KIF7: variants seen among roughly 807,000 people sequenced by gnomAD.
The protein encoded by KIF7 is kinesin family member 7, also known as kinesin-like protein KIF7.
KIF7 carries 104 observed loss-of-function variants against 135.7 expected under a neutral mutation model. The observed-to-expected ratio is 0.77, with a 90% CI of 0.65 to 0.90. The LOEUF (loss-of-function observed/expected upper bound fraction) is 0.90, where lower values mean the gene tolerates loss of function less well. Among genes scored for constraint, KIF7 ranks in the 40% least tolerant of loss-of-function variants. The pLI, the probability that KIF7 is intolerant of heterozygous loss-of-function variation, is 0.00. For missense variants in KIF7, 2,005 were observed against 1,839.1 expected, an observed-to-expected ratio of 1.09 and a Z score of -1.65; for synonymous variants, 883 against 809.4, an observed-to-expected ratio of 1.09 and a Z score of -1.54.
At chr15:89,619,588 G>C (rs1173034931) in intron 1 of KIF7, 2 of 1,052,130 alleles carry the variant, frequency 1.9e-6, no homozygotes, top group Non-Finnish European at 2.8e-6. Context: ...AAAGCTAATA[G>C]CTTGCTGAAT....
In KIF7 at chr15:89,649,838, G is replaced by C. The variant is rs961901836; in HGVS notation, c.432C>G (p.Ser144=). The change falls in exon 3 of 19, where the codon TCC becomes TCG. Residue 144 remains serine (S), a synonymous_variant. Transcript: ENST00000394412. ...ACTCCTCCTTGTACACTTCCAGGTAGGACACATGTACCAGACAGTCAAGCA... is the reference window on the plus strand; with the variant it reads ...ACTCCTCCTTGTACACTTCCAGGTACGACACATGTACCAGACAGTCAAGCA... ...NDLLDCLVHV[S]YLEVYKEEFR... The C allele has an allele frequency of 1.3e-6, 2 of 1,551,674 alleles. No individual in the cohort carries two copies. The highest frequency in any genetic ancestry group is 1.7e-6 in the Non-Finnish European group (2 of 1,147,010).
At chr15:89,646,391 A>G (rs1267984215) in intron 7 of KIF7, among the ~76,000 whole-genome samples, 3 of 152,154 alleles carry the variant, frequency 2.0e-5, no homozygotes, top group Non-Finnish European at 4.4e-5. Context: ...CCCAGGCCTA[A>G]AAGCCCCAGA....
rs72750748 is a variant in KIF7, at chr15:89,629,603, T to G, written c.3319-30A>C. ...CCCAAGACCCAGCCAGGCTCAGCCCTCATCATGACCCCTCTTCATCCAGCT... is the reference window on the plus strand; with the variant it reads ...CCCAAGACCCAGCCAGGCTCAGCCCGCATCATGACCCCTCTTCATCCAGCT... On this transcript the variant is annotated intron_variant, in intron 16 of 18. Coordinates refer to ENST00000394412, the MANE Select transcript of KIF7 (RefSeq NM_198525.3). The G allele has an allele frequency of 0.32, 508,133 of 1,600,320 alleles. 83,692 individuals are homozygous for G. The highest frequency in any genetic ancestry group is 0.38 in the Middle Eastern group (2,273 of 6,060).
At chr15:89,624,859 TCTC>T (rs535779553), downstream of KIF7, 236 of 1,613,962 alleles carry the variant, frequency 1.5e-4, no homozygotes, top group African/African-American at 2.7e-3. Flanking sequence ...TGGGCCTGGC[TCTC>T]CTCTGATGCC....
rs748294001 is a variant in KIF7 at position 89,629,420 on chromosome 15, T to C, written c.3472A>G (p.Lys1158Glu). 13 of 1,607,302 alleles carry C rather than the reference T, an allele frequency of 8.1e-6. No individual in the cohort carries two copies. The highest frequency in any genetic ancestry group is 1.3e-5 in the African/African-American group (1 of 74,878). ...AGCTGCATGTTCTGCTCGTGCTCCT[T>C]CTGCTGCAGGGTCAGCTGGCGGTCC... ...EMDRQLTLQQ[K>E]EHEQNMQLLL... The change falls in exon 17 of 19, where the codon AAG (lysine) becomes GAG (glutamate). Residue 1158 changes from lysine (K) to glutamate (E), a missense_variant. Physicochemically the swap from Lys to Glu is moderately conservative, Grantham distance 56. Coordinates refer to ENST00000394412, the MANE Select transcript of KIF7 (RefSeq NM_198525.3).
intron 11 of KIF7, among the ~76,000 whole-genome samples, chr15:89,636,239 G>C (rs1193930550): frequency 6.6e-6 from 1 of 151,670 alleles, no homozygotes; most frequent in Non-Finnish European, 1.5e-5. Flanking sequence ...AAAATGTAAA[G>C]ACCATCGAGA....
chr15:89,653,666 T>C (rs1476043766), intron 1 of KIF7, among the ~76,000 whole-genome samples: 1 of 152,192 alleles, frequency 6.6e-6, no homozygotes, highest in Non-Finnish European at 1.5e-5. Context: ...TAGCCAAGGC[T>C]TCCCAGGTTC....
At chr15:89,622,917 C>A (rs973212914) in intron 1 of KIF7, among the ~76,000 whole-genome samples, 2 of 152,242 alleles carry the variant, frequency 1.3e-5, no homozygotes, top group African/African-American at 4.8e-5. Flanking sequence ...ATGCCCCTCG[C>A]ATGTCCCTGT....
Position 89,647,723 on chromosome 15 carries a change from G to A in KIF7, c.1444-11C>T. The A allele has an allele frequency of 6.4e-7, 1 of 1,551,036 alleles. No individual in the cohort carries two copies. Among genetic ancestry groups the A allele is most frequent in the Non-Finnish European group, 8.7e-7 (1 of 1,149,216 alleles). On this transcript the variant is annotated splice_polypyrimidine_tract_variant and intron_variant, in intron 5 of 18. Coordinates refer to ENST00000394412, the MANE Select transcript of KIF7 (RefSeq NM_198525.3). ...CGCCCCCTCATCCTCCTATAGGGCA[G>A]GGAGAGGGGCTTCAGGGGCGGGGGT...
upstream of KIF7, among the ~76,000 whole-genome samples, chr15:89,657,166 C>T (rs934314188): frequency 1.3e-4 from 19 of 151,952 alleles, no homozygotes; most frequent in African/African-American, 3.4e-4. Flanking sequence ...CATAGGCAGG[C>T]GTAGTGGCAT....
Position 89,631,531 on chromosome 15 carries a change from G to A in KIF7, c.3075C>T (p.Asp1025=), listed in dbSNP as rs141683648. 106 of 1,583,150 alleles carry A rather than the reference G, an allele frequency of 6.7e-5. No individual in the cohort carries two copies. The highest frequency in any genetic ancestry group is 5.8e-4 in the Middle Eastern group (3 of 5,208). The change falls in exon 15 of 19, where the codon GAC becomes GAT. Residue 1025 remains aspartate (D), a synonymous_variant. Transcript: ENST00000394412. The stretch of plus-strand genomic sequence containing the variant: ...GCAGACTCCCCTGCCTCAGCTTGCC[G>A]TCGATCTCCAGGCGCTGCTTGAGCA... The part of the protein sequence containing the change: ...DSLLKQRLEI[D]GKLRQGSLLS...
Position 89,630,184 on chromosome 15 carries a change from C to A in KIF7, c.3318+103G>T, listed in dbSNP as rs574319954. 17 of 1,087,248 alleles carry A rather than the reference C, an allele frequency of 1.6e-5. No individual in the cohort carries two copies. In the African/African-American group the frequency reaches 2.3e-4, roughly 15 times the overall value. The allele number at this position is 1,087,248 out of a possible 1,614,324, so 67.4% of individuals were successfully genotyped here. ...ATGAGTTGGTCCTGATTCTGTCCCCCAGTCTGGGAGGAAACGGGATATCCG... is the reference window on the plus strand; with the variant it reads ...ATGAGTTGGTCCTGATTCTGTCCCCAAGTCTGGGAGGAAACGGGATATCCG... On this transcript the variant is annotated intron_variant, in intron 16 of 18. Coordinates refer to ENST00000394412, the MANE Select transcript of KIF7 (RefSeq NM_198525.3).
chr15:89,637,897 T>C (rs1963843058), intron 11 of KIF7, among the ~76,000 whole-genome samples: 2 of 119,066 alleles, frequency 1.7e-5, no homozygotes, highest in African/African-American at 3.0e-5. Context: ...ATATCCTTGA[T>C]GAACATTGAT....
At position 89,633,170 on chromosome 15, in the gene KIF7, C is replaced by G. The variant is rs149548398; in HGVS notation, c.2689G>C (p.Gly897Arg). Residue 897 changes from glycine to arginine, a missense_variant, in exon 13 of 19, where the codon GGC (glycine) becomes CGC (arginine). Coordinates refer to ENST00000394412, the MANE Select transcript of KIF7 (RefSeq NM_198525.3). ...FQRKRRSGSNGSVVSLEQQQK... is the reference protein window; with the variant it reads ...FQRKRRSGSNRSVVSLEQQQK... The stretch of plus-strand genomic sequence containing the variant: ...TGCTGTTCCAGGCTGACCACAGAGC[C>G]GTTGCTGCCACTGCGCCTCTTCCTC... 3.1e-6 allele frequency: 5 copies of G among 1,604,014 alleles called. No homozygotes were observed. The highest frequency in any genetic ancestry group is 4.2e-6 in the Non-Finnish European group (5 of 1,179,534).
At chr15:89,624,203 C>T (rs375487677), downstream of KIF7, 30 of 1,614,060 alleles carry the variant, frequency 1.9e-5, no homozygotes, top group African/African-American at 4.0e-5. Flanking sequence ...CCAGGGAATT[C>T]AACTGTGACT....
In KIF7 at chr15:89,635,146, G is replaced by A. The variant is rs1355863624; in HGVS notation, c.2395-1263C>T. 3.9e-5 allele frequency among the ~76,000 whole-genome samples: 6 copies of A among 152,072 alleles called. No individual in the cohort carries two copies. In the East Asian group the frequency reaches 7.7e-4, roughly 20 times the overall value. ...ATGTTAGAAGGAAAACTAACAAACAGAAAGGACATCCACACCAAAAACCCA... is the reference window on the plus strand; with the variant it reads ...ATGTTAGAAGGAAAACTAACAAACAAAAAGGACATCCACACCAAAAACCCA... On this transcript the variant is annotated intron_variant, in intron 11 of 18. Transcript: ENST00000394412.
At chr15:89,625,179 A>AC (rs1270618417), downstream of KIF7, 9 of 1,603,980 alleles carry the variant, frequency 5.6e-6, no homozygotes, top group Non-Finnish European at 7.7e-6. Flanking sequence ...CCTATGTGTC[A>AC]CCCCCCTGCC....
intron 1 of KIF7, among the ~76,000 whole-genome samples, chr15:89,621,056 G>A (rs1596058174): frequency 6.6e-6 from 1 of 151,494 alleles, no homozygotes; most frequent in Non-Finnish European, 1.5e-5. Flanking sequence ...TTGTGCTCTT[G>A]TTGCCCAGGC....
rs536773143 is a variant in KIF7 at position 89,646,921 on chromosome 15, G to C, written c.1697C>G (p.Ala566Gly). Reference protein sequence around the residue: ...PGSFVPRPHTAPLGGAHAHVL... With the variant: ...PGSFVPRPHTGPLGGAHAHVL... The stretch of plus-strand genomic sequence containing the variant: ...ATGGGCGTGGGCACCCCCCAGGGGG[G>C]CTGTATGAGGTCGAGGCACAAAGGA... Residue 566 changes from alanine to glycine, a missense_variant, in exon 7 of 19, where the codon GCC becomes GGC. Transcript: ENST00000394412. 1 of 1,614,010 alleles carries C rather than the reference G, an allele frequency of 6.2e-7. No individual in the cohort carries two copies. Among genetic ancestry groups the C allele is most frequent in the African/African-American group, 1.3e-5 (1 of 75,020 alleles).
Sources: gnomAD v4.1 joint callset for allele counts (sites outside exome capture counted in the v4.1 genomes callset) on GRCh38, gnomAD v4.1.1 for gene constraint, MANE v1.5 for transcripts, NCBI Gene and HGNC (gene_info 2026-07-23, HGNC 2026-07-21) for gene names.